The following ROBO1 variants were observed in gnomAD, a reference collection of about 807,000 sequenced individuals.
ROBO1 encodes roundabout guidance receptor 1, also known as roundabout homolog 1.
A neutral mutation model predicts 195.9 loss-of-function variants in ROBO1; 149 were observed. The observed-to-expected ratio is 0.76, with a 90% CI of 0.67 to 0.87. The LOEUF is 0.87. Among genes scored for constraint, ROBO1 ranks in the 40% least tolerant of loss-of-function variants. The pLI is 0.00. For synonymous variants in ROBO1, 816 were observed against 733.2 expected (o/e 1.11, Z -1.82); for missense variants, 1,933 against 2,068.3 (o/e 0.93, Z 1.27).
intron 2 of ROBO1, among the ~76,000 whole-genome samples, chr3:79,467,488 C>A (rs1938026936): frequency 6.6e-6 from 1 of 151,292 alleles, no homozygotes; most frequent in Admixed American, 6.6e-5. Context: ...AGCAAAGGAA[C>A]AGAAGGGAGG....
chr3:78,893,779 A>G (rs190860277), intron 4 of ROBO1, among the ~76,000 whole-genome samples: 1 of 152,136 alleles, frequency 6.6e-6, no homozygotes, highest in African/African-American at 2.4e-5. Flanking sequence ...AGTAAAAAAA[A>G]ATTGATTTCT....
intron 4 of ROBO1, among the ~76,000 whole-genome samples, chr3:78,845,113 C>G (rs965664323): frequency 6.6e-6 from 1 of 152,038 alleles, no homozygotes; most frequent in Non-Finnish European, 1.5e-5. Flanking sequence ...TGTATCCTAT[C>G]CTTTTGCTGC....
At chr3:79,660,092 C>T (rs897777204) in intron 1 of ROBO1, among the ~76,000 whole-genome samples, 5 of 151,882 alleles carry the variant, frequency 3.3e-5, no homozygotes, top group African/African-American at 9.7e-5. Context: ...CAGCTAGGCT[C>T]ATGGTTTCAG....
At chr3:79,531,572 C>T (rs7622477) in intron 2 of ROBO1, among the ~76,000 whole-genome samples, 86,966 of 151,968 alleles carry the variant, frequency 0.57, 25,006 homozygotes, top group Non-Finnish European at 0.6. Context: ...GTTCAAATAA[C>T]GTAAACTTTT....
At chr3:79,238,305 G>A (rs962435050) in intron 2 of ROBO1, among the ~76,000 whole-genome samples, 3 of 152,068 alleles carry the variant, frequency 2.0e-5, no homozygotes, top group East Asian at 3.9e-4. Flanking sequence ...AAATATTACC[G>A]CTATCCCATC....
rs568938113 is a variant in ROBO1, at chr3:79,011,511, T to C, written c.173-72584A>G. On this transcript the variant is annotated intron_variant, in intron 3 of 30. Transcript: ENST00000464233. ...CTGATTCATTCATTCTTTGGCTTCA[T>C]GTTCTTTTCCTACTCTACCTGAAAT... 3.9e-5 allele frequency among the ~76,000 whole-genome samples: 6 copies of C among 152,202 alleles called. No individual in the cohort carries two copies. In the East Asian group the frequency reaches 9.7e-4, roughly 25 times the overall value.
chr3:79,702,266 T>G (rs1002269542), intron 1 of ROBO1, among the ~76,000 whole-genome samples: 4 of 151,964 alleles, frequency 2.6e-5, no homozygotes, highest in African/African-American at 9.6e-5. Flanking sequence ...TTGGTAAAAT[T>G]TTAAGCAATG....
intron 1 of ROBO1, among the ~76,000 whole-genome samples, chr3:79,671,879 CA>C (rs1451867624): frequency 2.0e-5 from 3 of 151,796 alleles, no homozygotes; most frequent in Non-Finnish European, 4.4e-5. Flanking sequence ...TGTATTCACC[CA>C]AATGTTTCAT....
chr3:79,101,151 A>G (rs1559659504), intron 3 of ROBO1, among the ~76,000 whole-genome samples: 2 of 151,766 alleles, frequency 1.3e-5, no homozygotes. Flanking sequence ...AAAAACACAG[A>G]TATAGCTACT....
intron 1 of ROBO1, among the ~76,000 whole-genome samples, chr3:79,649,979 A>C (rs577229635): frequency 6.6e-6 from 1 of 152,250 alleles, no homozygotes; most frequent in Non-Finnish European, 1.5e-5. Flanking sequence ...TGTGAAAAAA[A>C]ATAGATAATT....
intron 2 of ROBO1, among the ~76,000 whole-genome samples, chr3:79,358,721 A>G (rs775259001): frequency 2.0e-5 from 3 of 152,084 alleles, no homozygotes; most frequent in Non-Finnish European, 4.4e-5. Flanking sequence ...CAGAAATGCA[A>G]GAATTTAAAC....
chr3:79,411,582 T>A (rs193093823), intron 2 of ROBO1, among the ~76,000 whole-genome samples: 6 of 152,288 alleles, frequency 3.9e-5, no homozygotes, highest in African/African-American at 1.4e-4. Context: ...CAACAAATTT[T>A]AGCAACATAT....
intron 2 of ROBO1, among the ~76,000 whole-genome samples, chr3:79,523,404 G>T (rs1418755498): frequency 7.2e-6 from 1 of 138,112 alleles, no homozygotes; most frequent in South Asian, 2.3e-4. Flanking sequence ...AAATAAATTT[G>T]AAAAAAAAAT....
intron 4 of ROBO1, among the ~76,000 whole-genome samples, chr3:78,876,531 G>A (rs2035858674): frequency 6.6e-6 from 1 of 152,144 alleles, no homozygotes; most frequent in Admixed American, 6.5e-5. Context: ...CACTGCAATT[G>A]ATACAACTGA....
Position 78,651,909 on chromosome 3 carries a change from ACACAGG to A in ROBO1, c.2629_2634del (p.Pro877_Val878del). ...GCGAGGCTGACTTGGTCCTCAGGTG[ACACAGG>A]GTTTCCATGGGCATCTGAAAAGTCA... is the stretch of plus-strand genomic sequence containing the variant. On this transcript the variant is annotated inframe_deletion, in exon 19 of 31. Coordinates refer to ENST00000464233, the MANE Select transcript of ROBO1 (RefSeq NM_002941.4). The A allele has an allele frequency of 6.2e-7, 1 of 1,612,690 alleles. No homozygotes were observed. The highest frequency in any genetic ancestry group is 8.5e-7 in the Non-Finnish European group (1 of 1,179,316).
chr3:79,542,111 T>G (rs1486256320), intron 2 of ROBO1, among the ~76,000 whole-genome samples: 1 of 151,924 alleles, frequency 6.6e-6, no homozygotes, highest in Non-Finnish European at 1.5e-5. Context: ...GGAATAATAT[T>G]TTTTCACAGC....
chr3:79,009,109 T>TC (rs1435370823), intron 3 of ROBO1, among the ~76,000 whole-genome samples: 1 of 130,228 alleles, frequency 7.7e-6, no homozygotes, highest in African/African-American at 3.2e-5. Context: ...CCCAGCTAAT[T>TC]TTTTTTTTTT....
intron 3 of ROBO1, among the ~76,000 whole-genome samples, chr3:78,940,551 T>A (rs991896815): frequency 1.3e-5 from 2 of 152,204 alleles, no homozygotes; most frequent in African/African-American, 4.8e-5. Flanking sequence ...ACCTTGCGCA[T>A]CCTCCTGCAA....
chr3:79,271,685 T>C (rs1233993685), intron 2 of ROBO1, among the ~76,000 whole-genome samples: 1 of 151,944 alleles, frequency 6.6e-6, no homozygotes, highest in Non-Finnish European at 1.5e-5. Context: ...GGTATATGTA[T>C]GTATATGTGT....
Sources: allele counts gnomAD v4.1 joint callset (sites outside exome capture counted in the v4.1 genomes callset), GRCh38; gene constraint gnomAD v4.1.1; transcripts MANE v1.5; gene names NCBI Gene and HGNC (gene_info 2026-07-23, HGNC 2026-07-21).